CAMK1D: variants seen among roughly 807,000 people sequenced by gnomAD.
CAMK1D encodes calcium/calmodulin dependent protein kinase ID.
In CAMK1D, 9 loss-of-function variants were observed where a neutral mutation model predicts 47.7. The ratio of observed to expected loss-of-function variants is 0.19; its 90% CI spans 0.11 to 0.33. CAMK1D has a LOEUF of 0.33. Among genes scored for constraint, CAMK1D ranks in the 10% least tolerant of loss-of-function variants. The pLI is 1.00. For synonymous variants in CAMK1D, 184 were observed against 184.9 expected, an observed-to-expected ratio of 0.99 and a Z score of 0.04; for missense variants, 291 against 488.7, an observed-to-expected ratio of 0.60 and a Z score of 3.81.
chr10:12,803,937 G>A (rs192937783), intron 6 of CAMK1D, among the ~76,000 whole-genome samples: 2 of 152,288 alleles, frequency 1.3e-5, no homozygotes, highest in Admixed American at 6.5e-5. Context: ...AGCGGGAGGC[G>A]CCACCTGTCA....
intron 1 of CAMK1D, among the ~76,000 whole-genome samples, chr10:12,404,884 T>C (rs993644281): frequency 2.6e-5 from 4 of 152,000 alleles, no homozygotes; most frequent in African/African-American, 9.7e-5. Flanking sequence ...AAATGGGGTT[T>C]CTCCATGTTG....
intron 1 of CAMK1D, among the ~76,000 whole-genome samples, chr10:12,464,468 G>A (rs908548008): frequency 7.2e-5 from 11 of 152,086 alleles, no homozygotes; most frequent in East Asian, 1.9e-4. Context: ...CCCCCACCAC[G>A]TGTACTGTAA....
intron 2 of CAMK1D, among the ~76,000 whole-genome samples, chr10:12,555,646 G>C (rs1836735977): frequency 6.6e-6 from 1 of 152,190 alleles, no homozygotes; most frequent in African/African-American, 2.4e-5. Flanking sequence ...TTATTTGCTG[G>C]TGACATTAAG....
At chr10:12,694,186 T>TATATAAAATATATATTATGC (rs1564498382) in intron 3 of CAMK1D, among the ~76,000 whole-genome samples, 3 of 42,308 alleles carry the variant, frequency 7.1e-5, no homozygotes, top group African/African-American at 3.1e-4. Flanking sequence ...TTATATATAA[T>TATATAAAATATATATTATGC]ATAATATATA....
chr10:12,792,552 C>T (rs539027459), intron 6 of CAMK1D, among the ~76,000 whole-genome samples: 1 of 152,340 alleles, frequency 6.6e-6, no homozygotes, highest in South Asian at 2.1e-4. Context: ...TGTGTGGCAT[C>T]CTCTTCTCCT....
At chr10:12,626,018 CAT>C (rs1174805648) in intron 2 of CAMK1D, among the ~76,000 whole-genome samples, 1 of 152,166 alleles carries the variant, frequency 6.6e-6, no homozygotes, top group African/African-American at 2.4e-5. Context: ...GACACAAATA[CAT>C]ATGTCAAAAG....
At chr10:12,686,346 A>G (rs1832665449) in intron 3 of CAMK1D, among the ~76,000 whole-genome samples, 2 of 151,998 alleles carry the variant, frequency 1.3e-5, no homozygotes, top group African/African-American at 4.8e-5. Flanking sequence ...TTGGAGATGG[A>G]GTTTCGCTCC....
At chr10:12,716,202 T>A (rs1033914689) in intron 3 of CAMK1D, among the ~76,000 whole-genome samples, 1 of 152,156 alleles carries the variant, frequency 6.6e-6, no homozygotes, top group Non-Finnish European at 1.5e-5. Flanking sequence ...CCAGGGACTC[T>A]CAGCCTTGGC....
At chr10:12,456,032 T>C (rs1833232748) in intron 1 of CAMK1D, among the ~76,000 whole-genome samples, 1 of 152,194 alleles carries the variant, frequency 6.6e-6, no homozygotes, top group African/African-American at 2.4e-5. Flanking sequence ...GTACATTGTT[T>C]CCTCATGCCT....
chr10:12,818,134 C>G (rs1182310095), intron 8 of CAMK1D, among the ~76,000 whole-genome samples: 1 of 152,150 alleles, frequency 6.6e-6, no homozygotes, highest in Non-Finnish European at 1.5e-5. Flanking sequence ...AAACCATCCC[C>G]CTGTGTGCCC....
chr10:12,433,132 T>C (rs1832536580), intron 1 of CAMK1D, among the ~76,000 whole-genome samples: 2 of 152,206 alleles, frequency 1.3e-5, no homozygotes, highest in South Asian at 4.1e-4. Context: ...TCAGGTTTCC[T>C]CTCACAGCCT....
At chr10:12,394,307 C>T (rs138881309) in intron 1 of CAMK1D, among the ~76,000 whole-genome samples, 133 of 152,294 alleles carry the variant, frequency 8.7e-4, no homozygotes, top group African/African-American at 3.1e-3. Flanking sequence ...CAACCAGAAA[C>T]TCCCCAGACC....
intron 5 of CAMK1D, among the ~76,000 whole-genome samples, chr10:12,784,469 A>G (rs1267280933): frequency 1.3e-5 from 2 of 152,192 alleles, no homozygotes; most frequent in Admixed American, 1.3e-4. Flanking sequence ...AAGTGCTGGG[A>G]TTACAGGCGT....
chr10:12,615,383 G>T (rs117253577), intron 2 of CAMK1D, among the ~76,000 whole-genome samples: 1,540 of 152,300 alleles, frequency 0.01, 17 homozygotes, highest in South Asian at 0.024. Context: ...GAAGGAAGTT[G>T]TTCAAATTCT....
chr10:12,804,577 G>T (rs1838633868), intron 6 of CAMK1D, among the ~76,000 whole-genome samples: 1 of 146,592 alleles, frequency 6.8e-6, no homozygotes, highest in Non-Finnish European at 1.5e-5. Context: ...CAGCCTGGGC[G>T]ACAGAGTGAG....
intron 2 of CAMK1D, among the ~76,000 whole-genome samples, chr10:12,652,026 G>A (rs1056518101): frequency 2.6e-5 from 4 of 151,874 alleles, no homozygotes; most frequent in East Asian, 2.0e-4. Context: ...TGATCTGCCC[G>A]CCTCGGCCTC....
chr10:12,729,047 T>C (rs1270140742), intron 3 of CAMK1D, among the ~76,000 whole-genome samples: 2 of 152,254 alleles, frequency 1.3e-5, no homozygotes, highest in Non-Finnish European at 2.9e-5. Flanking sequence ...TAGTTCTTCC[T>C]TACTAAAGTT....
rs55700646 is a variant in CAMK1D at position 12,361,248 on chromosome 10, G to GTTTTTTTTTTT, written c.92+11344_92+11354dup. Among the ~76,000 whole-genome samples the GTTTTTTTTTTT allele has an allele frequency of 1.8e-4, 22 of 120,064 alleles. 2 individuals are homozygous for GTTTTTTTTTTT. The highest frequency in any genetic ancestry group is 7.3e-4 in the East Asian group (3 of 4,122). 78.8% of individuals were successfully genotyped at this position (120,064 alleles called of 152,430 possible). A position where few individuals can be genotyped will look rare whatever the true frequency, so the allele number is the denominator to read the frequency against. On this transcript the variant is annotated intron_variant, in intron 1 of 10. Coordinates refer to ENST00000619168, the MANE Select transcript of CAMK1D (RefSeq NM_153498.4). Reference sequence around the variant, plus strand: ...TAATAACAAGACTTCCTATTTGACTGTTTTTTTTTTTTTTTTGAGATGGAG... The same window carrying GTTTTTTTTTTT: ...TAATAACAAGACTTCCTATTTGACTGTTTTTTTTTTTTTTTTTTTTTTTTTTTGAGATGGAG...
intron 2 of CAMK1D, among the ~76,000 whole-genome samples, chr10:12,651,810 G>A (rs976943854): frequency 3.3e-5 from 5 of 150,222 alleles, no homozygotes; most frequent in South Asian, 2.1e-4. Flanking sequence ...ACGGAGTCCC[G>A]TTCTGTCGCC....
Sources: allele counts gnomAD v4.1 joint callset (sites outside exome capture counted in the v4.1 genomes callset), GRCh38; gene constraint gnomAD v4.1.1; transcripts MANE v1.5; gene names NCBI Gene and HGNC (gene_info 2026-07-23, HGNC 2026-07-21).